The following FBXL17 variants were observed in gnomAD, a reference collection of about 807,000 sequenced individuals.
FBXL17 encodes the protein F-box/LRR-repeat protein 17.
FBXL17 carries 22 observed loss-of-function variants against 66.2 expected under a neutral mutation model. The observed-to-expected ratio is 0.33, with a 90% confidence interval of 0.24 to 0.47. The LOEUF (loss-of-function observed/expected upper bound fraction) is 0.47. Ranked by LOEUF, FBXL17 falls within the 20% of genes least tolerant of loss-of-function variation. The pLI, the probability that FBXL17 is intolerant of heterozygous loss-of-function variation, is 1.00. For synonymous variants in FBXL17, 474 were observed against 400.5 expected, an observed-to-expected ratio of 1.18 and a Z score of -2.19; for missense variants, 878 against 948.2, an observed-to-expected ratio of 0.93 and a Z score of 0.97.
At chr5:108,138,061 T>A (rs1207344751) in intron 6 of FBXL17, among the ~76,000 whole-genome samples, 1 of 152,192 alleles carries the variant, frequency 6.6e-6, no homozygotes, top group African/African-American at 2.4e-5. Flanking sequence ...ACTTTATAAA[T>A]GCAAAGATAA....
At chr5:108,102,807 A>G (rs1011931182) in intron 6 of FBXL17, among the ~76,000 whole-genome samples, 6 of 152,216 alleles carry the variant, frequency 3.9e-5, no homozygotes, top group African/African-American at 1.4e-4. Context: ...TTAACCATCT[A>G]AAGAATTCCT....
chr5:108,337,595 G>C (rs1760448447), intron 4 of FBXL17, among the ~76,000 whole-genome samples: 1 of 151,870 alleles, frequency 6.6e-6, no homozygotes, highest in Admixed American at 6.6e-5. Context: ...TAAAAAATGT[G>C]AGGTAATTCT....
chr5:108,224,232 G>A lies in FBXL17; in HGVS notation c.1507-4C>T, dbSNP rs1754995478. ...CTTTCACTGACTGATCTGTCACCTA[G>A]GGAAAAGACATGGATGAAATTATTC... On this transcript the variant is annotated splice_polypyrimidine_tract_variant and splice_region_variant and intron_variant, in intron 4 of 8. Coordinates refer to ENST00000542267, the MANE Select transcript of FBXL17 (RefSeq NM_001163315.3). 6.5e-7 allele frequency: 1 copy of A among 1,545,926 alleles called. No individual in the cohort carries two copies. The highest frequency in any genetic ancestry group is 1.1e-5 in the South Asian group (1 of 87,118).
chr5:108,276,253 TAG>T (rs1757477101), intron 4 of FBXL17, among the ~76,000 whole-genome samples: 1 of 152,134 alleles, frequency 6.6e-6, no homozygotes, highest in Non-Finnish European at 1.5e-5. Context: ...ATTGCTTTGT[TAG>T]AATATGAAAA....
In FBXL17 at chr5:108,277,658, G is replaced by A. The variant is rs143423986; in HGVS notation, c.1507-53430C>T. Among the ~76,000 whole-genome samples the A allele has an allele frequency of 2.8e-3, 422 of 152,204 alleles. 2 individuals are homozygous for A. The highest frequency in any genetic ancestry group is 9.6e-3 in the African/African-American group (399 of 41,522). ...CAGTCTGAAGCAAGAAGCAGTAATTGGTACAAAGAAAATTAAGCAAATGGG... is the reference window on the plus strand; with the variant it reads ...CAGTCTGAAGCAAGAAGCAGTAATTAGTACAAAGAAAATTAAGCAAATGGG... On this transcript the variant is annotated intron_variant, in intron 4 of 8. Transcript: ENST00000542267.
chr5:108,141,424 A>T (rs111691793), intron 6 of FBXL17, among the ~76,000 whole-genome samples: 1,652 of 138,448 alleles, frequency 0.012, 43 homozygotes, highest in African/African-American at 0.043. Flanking sequence ...CTAACATGCT[A>T]TCCCTGCTGT....
At chr5:108,201,728 G>A (rs181202312) in intron 5 of FBXL17, among the ~76,000 whole-genome samples, 1 of 151,486 alleles carries the variant, frequency 6.6e-6, no homozygotes, top group Admixed American at 6.6e-5. Context: ...TGCTGATTTA[G>A]AAATGGGACC....
chr5:108,072,909 G>T (rs1305807950), intron 6 of FBXL17, among the ~76,000 whole-genome samples: 1 of 152,042 alleles, frequency 6.6e-6, no homozygotes, highest in Non-Finnish European at 1.5e-5. Context: ...ACAAATAAAA[G>T]GACTAAATCT....
chr5:108,158,494 C>CGTGT (rs767320754), intron 6 of FBXL17, among the ~76,000 whole-genome samples: 1 of 118,590 alleles, frequency 8.4e-6, no homozygotes, highest in Non-Finnish European at 1.8e-5. Context: ...GACAGTGGGG[C>CGTGT]GTGTGTGTGT....
intron 6 of FBXL17, among the ~76,000 whole-genome samples, chr5:108,044,410 G>T (rs1013190119): frequency 1.3e-5 from 2 of 152,006 alleles, no homozygotes; most frequent in Admixed American, 6.5e-5. Flanking sequence ...ATTAAATTTT[G>T]TCAAATGCTT....
chr5:108,017,744 T>C (rs1323592892), intron 7 of FBXL17, among the ~76,000 whole-genome samples: 4 of 152,184 alleles, frequency 2.6e-5, no homozygotes, highest in Admixed American at 1.3e-4. Flanking sequence ...TATTTCTCTT[T>C]AGGGAGCAAT....
chr5:108,208,476 G>GTT (rs1754224474), intron 5 of FBXL17, among the ~76,000 whole-genome samples: 1 of 152,084 alleles, frequency 6.6e-6, no homozygotes, highest in East Asian at 1.9e-4. Flanking sequence ...CCCATCTTGA[G>GTT]TTGATTTTTG....
intron 7 of FBXL17, among the ~76,000 whole-genome samples, chr5:108,001,824 T>A (rs964923854): frequency 2.0e-5 from 3 of 147,340 alleles, no homozygotes; most frequent in African/African-American, 8.1e-5. Flanking sequence ...TTAAGGTTAG[T>A]TTCCGACATC....
intron 3 of FBXL17, among the ~76,000 whole-genome samples, chr5:108,357,431 G>C (rs1241004187): frequency 6.6e-6 from 1 of 151,930 alleles, no homozygotes; most frequent in Non-Finnish European, 1.5e-5. Flanking sequence ...AGATCCAGCA[G>C]GCAGAAAATT....
chr5:108,203,933 A>G (rs1414833571), intron 5 of FBXL17, among the ~76,000 whole-genome samples: 2 of 152,168 alleles, frequency 1.3e-5, no homozygotes, highest in Non-Finnish European at 2.9e-5. Flanking sequence ...AACATTTCCA[A>G]CCATAAGCAC....
At chr5:107,878,458 T>C in intron 8 of FBXL17, 13 of 613,448 alleles carry the variant, frequency 2.1e-5, no homozygotes, top group Non-Finnish European at 2.7e-5. Flanking sequence ...TAGGTACTAG[T>C]ATCATCCTCA....
rs905085989 is a variant in FBXL17 at position 108,381,407 on chromosome 5, G to T, written c.285C>A (p.Ser95=). Reference sequence around the variant, plus strand: ...AGCGCCGCGCCAGGTGCTGAGAGGAGGAGGCGGCAGCGTAGGCCCCGTCCC... The same window carrying T: ...AGCGCCGCGCCAGGTGCTGAGAGGATGAGGCGGCAGCGTAGGCCCCGTCCC... ...PPRDGAYAAA[S]SSQHLARRYA... Residue 95 remains serine (S), a synonymous_variant, in exon 1 of 9, where the codon TCC becomes TCA. Coordinates refer to ENST00000542267, the MANE Select transcript of FBXL17 (RefSeq NM_001163315.3). 34 of 1,325,326 alleles carry T rather than the reference G, an allele frequency of 2.6e-5. No individual in the cohort carries two copies. The highest frequency in any genetic ancestry group is 3.2e-5 in the Non-Finnish European group (34 of 1,046,776). The allele number at this position is 1,325,326 out of a possible 1,614,324, so 82.1% of individuals were successfully genotyped here.
intron 7 of FBXL17, among the ~76,000 whole-genome samples, chr5:107,883,956 A>G (rs1407632205): frequency 6.6e-6 from 1 of 152,206 alleles, no homozygotes; most frequent in African/African-American, 2.4e-5. Flanking sequence ...GTGTGAAAGT[A>G]GAGATGAGAA....
intron 6 of FBXL17, among the ~76,000 whole-genome samples, chr5:108,105,351 T>C (rs1045388495): frequency 7.2e-5 from 11 of 152,158 alleles, no homozygotes; most frequent in East Asian, 5.8e-4. Flanking sequence ...TTGTGAAAGA[T>C]TGTAATTGTG....
Sources: allele counts gnomAD v4.1 joint callset (sites outside exome capture counted in the v4.1 genomes callset), GRCh38; gene constraint gnomAD v4.1.1; transcripts MANE v1.5; gene names NCBI Gene and HGNC (gene_info 2026-07-23, HGNC 2026-07-21).